EXT1: variants seen among roughly 807,000 people sequenced by gnomAD.
EXT1 encodes exostosin glycosyltransferase 1, also known as exostosin-1.
Under a neutral mutation model 82.5 loss-of-function variants are expected in EXT1, and 20 were observed. The ratio of observed to expected loss-of-function variants is 0.24; its 90% CI spans 0.17 to 0.35. The LOEUF (loss-of-function observed/expected upper bound fraction) is 0.35, where lower values mean the gene tolerates loss of function less well. Ranked by LOEUF, EXT1 falls within the 10% of genes least tolerant of loss-of-function variation. EXT1 has a pLI of 1.00. For synonymous variants in EXT1, 348 were observed against 350.8 expected, an observed-to-expected ratio of 0.99 and a Z score of 0.09; for missense variants, 757 against 936.5, an observed-to-expected ratio of 0.81 and a Z score of 2.50.
intron 1 of EXT1, among the ~76,000 whole-genome samples, chr8:117,996,368 A>G (rs574014625): frequency 3.6e-4 from 55 of 152,374 alleles, no homozygotes; most frequent in African/African-American, 1.2e-3. Context: ...CTTCAATTCT[A>G]TAATGGCACT....
At chr8:117,817,698 C>G (rs1403905507) in intron 7 of EXT1, among the ~76,000 whole-genome samples, 1 of 152,018 alleles carries the variant, frequency 6.6e-6, no homozygotes, top group African/African-American at 2.4e-5. Context: ...AGACACAGCG[C>G]AATTCAGCTA....
intron 1 of EXT1, among the ~76,000 whole-genome samples, chr8:118,020,585 T>A (rs1816086176): frequency 6.6e-6 from 1 of 152,212 alleles, no homozygotes; most frequent in Non-Finnish European, 1.5e-5. Context: ...TAATTCTTGC[T>A]GTCATAGTCT....
chr8:117,979,218 G>C (rs112283688), intron 1 of EXT1, among the ~76,000 whole-genome samples: 2 of 151,856 alleles, frequency 1.3e-5, no homozygotes, highest in Non-Finnish European at 2.9e-5. Flanking sequence ...CCGGGCACTG[G>C]GGGGGTGCAC....
At chr8:117,908,952 C>T (rs1189980405) in intron 1 of EXT1, among the ~76,000 whole-genome samples, 5 of 151,720 alleles carry the variant, frequency 3.3e-5, no homozygotes, top group Admixed American at 1.3e-4. Flanking sequence ...GGTGAAACCT[C>T]GAAACCTCAT....
In EXT1 at chr8:118,111,051, C is replaced by A. The variant is rs1217829518; in HGVS notation, c.-5G>T. On this transcript the variant is annotated 5_prime_UTR_variant, in exon 1 of 11. Transcript: ENST00000378204. The stretch of plus-strand genomic sequence containing the variant: ...ATAGCGTTTTTTGGCCTGCATGTGT[C>A]CTGCCTGGGTCAAGAGGATTGTAAA... The A allele has an allele frequency of 1.9e-6, 3 of 1,590,172 alleles. No homozygotes were observed. The East Asian group carries it at 6.7e-5, about 36-fold the overall frequency.
At chr8:117,973,860 G>GGAAAA (rs1563617609) in intron 1 of EXT1, among the ~76,000 whole-genome samples, 5 of 131,538 alleles carry the variant, frequency 3.8e-5, no homozygotes, top group Non-Finnish European at 6.2e-5. Flanking sequence ...GGAAAGGAAA[G>GGAAAA]GAAAGGAAAG....
At chr8:118,068,738 A>G (rs988223406) in intron 1 of EXT1, among the ~76,000 whole-genome samples, 6 of 152,244 alleles carry the variant, frequency 3.9e-5, no homozygotes. Flanking sequence ...CATTCCAAGT[A>G]CACCTGCCTG....
intron 1 of EXT1, among the ~76,000 whole-genome samples, chr8:118,010,711 C>T (rs182195063): frequency 1.3e-5 from 2 of 152,336 alleles, no homozygotes; most frequent in Admixed American, 1.3e-4. Context: ...CATCAATTCT[C>T]ACTGGCAACG....
rs200294824 is a variant in EXT1 at position 117,819,772 on chromosome 8, G to A, written c.1440C>T (p.Phe480=). The A allele has an allele frequency of 1.2e-6, 2 of 1,613,530 alleles. No individual in the cohort carries two copies. The highest frequency in any genetic ancestry group is 4.5e-5 in the East Asian group (2 of 44,882). ...ANLGLKPPSK[F]TAVIHAVTPL... is the part of the protein sequence containing the mutation. Reference sequence around the variant, plus strand: ...GGGTCACCGCATGGATGACTGCAGTGAATTTGGAGGGGGGCTTTAAACCTG... The same window carrying A: ...GGGTCACCGCATGGATGACTGCAGTAAATTTGGAGGGGGGCTTTAAACCTG... Residue 480 remains phenylalanine (F), a synonymous_variant, in exon 6 of 11, where the codon TTC becomes TTT. Coordinates refer to ENST00000378204, the MANE Select transcript of EXT1 (RefSeq NM_000127.3).
intron 1 of EXT1, among the ~76,000 whole-genome samples, chr8:118,073,704 G>C (rs1817149608): frequency 9.9e-6 from 1 of 101,280 alleles, no homozygotes; most frequent in South Asian, 3.0e-4. Flanking sequence ...GAAGAGAAGA[G>C]AAGCCTCTTA....
intron 1 of EXT1, among the ~76,000 whole-genome samples, chr8:117,850,195 T>A (rs1236061731): frequency 2.0e-5 from 3 of 152,234 alleles, no homozygotes; most frequent in Non-Finnish European, 4.4e-5. Flanking sequence ...GTATCTTGGC[T>A]TTTAAATAAA....
intron 1 of EXT1, among the ~76,000 whole-genome samples, chr8:117,885,494 C>CAAAAAAAAAAA (rs11300586): frequency 2.9e-5 from 3 of 103,410 alleles, no homozygotes; most frequent in Non-Finnish European, 3.9e-5. Context: ...AAGTAACAGA[C>CAAAAAAAAAAA]AAAAAAAAAA....
chr8:117,928,466 GT>G (rs1813991372), intron 1 of EXT1, among the ~76,000 whole-genome samples: 1 of 152,168 alleles, frequency 6.6e-6, no homozygotes, highest in South Asian at 2.1e-4. Flanking sequence ...AAACTTTTTA[GT>G]TACTAGTTTC....
intron 1 of EXT1, among the ~76,000 whole-genome samples, chr8:117,900,277 C>T (rs552134404): frequency 6.6e-6 from 1 of 152,336 alleles, no homozygotes; most frequent in South Asian, 2.1e-4. Flanking sequence ...AACGTCGGTA[C>T]TGTTTCTCCC....
intron 1 of EXT1, among the ~76,000 whole-genome samples, chr8:117,950,204 C>T (rs1039822503): frequency 2.0e-5 from 3 of 152,122 alleles, no homozygotes; most frequent in South Asian, 4.2e-4. Flanking sequence ...TGGCACCCCT[C>T]GACTATAGCT....
rs1823132972 is a variant in EXT1, at chr8:117,799,591, A to G, written c.*121T>C. On this transcript the variant is annotated 3_prime_UTR_variant, in exon 11 of 11. Transcript: ENST00000378204. ...CCTTTTTTTTTTTGTCATTCTGCTC[A>G]TCTAAGTTTTTGGATAGTTGGCACA... 1 of 1,146,424 alleles carries G rather than the reference A, an allele frequency of 8.7e-7. No individual in the cohort carries two copies. The highest frequency in any genetic ancestry group is 2.4e-5 in the East Asian group (1 of 41,802). The allele number at this position is 1,146,424 out of a possible 1,614,324, so 71.0% of individuals were successfully genotyped here.
chr8:118,027,213 A>G (rs1296546874), intron 1 of EXT1, among the ~76,000 whole-genome samples: 1 of 152,162 alleles, frequency 6.6e-6, no homozygotes, highest in Non-Finnish European at 1.5e-5. Context: ...TAGTTTTACA[A>G]TGATATATCT....
At chr8:117,911,646 C>T (rs1396939770) in intron 1 of EXT1, among the ~76,000 whole-genome samples, 1 of 152,194 alleles carries the variant, frequency 6.6e-6, no homozygotes, top group African/African-American at 2.4e-5. Flanking sequence ...TTCTCAAACA[C>T]TTATTCTGCG....
At chr8:117,869,659 C>T (rs373436410) in intron 1 of EXT1, among the ~76,000 whole-genome samples, 11 of 152,198 alleles carry the variant, frequency 7.2e-5, no homozygotes, top group South Asian at 6.2e-4. Context: ...TAATGTCAAA[C>T]GCAATAATCT....
Sources: allele counts gnomAD v4.1 joint callset (sites outside exome capture counted in the v4.1 genomes callset), GRCh38; gene constraint gnomAD v4.1.1; transcripts MANE v1.5; gene names NCBI Gene and HGNC (gene_info 2026-07-23, HGNC 2026-07-21).